PARP8: variants seen among roughly 807,000 people sequenced by gnomAD.
PARP8 encodes the protein poly(ADP-ribose) polymerase family member 8.
PARP8 carries 51 observed loss-of-function variants against 124.1 expected under a neutral mutation model. The ratio of observed to expected loss-of-function variants is 0.41; its 90% CI spans 0.33 to 0.52. The LOEUF (loss-of-function observed/expected upper bound fraction) is 0.52, where lower values mean the gene tolerates loss of function less well. PARP8 is among the 20% of genes least tolerant of loss of function. The probability of loss-of-function intolerance (pLI) is 0.21; values close to 1 mark genes in which losing one functional copy is unlikely to be tolerated. For synonymous variants in PARP8, 391 were observed against 361.5 expected (o/e 1.08, Z -0.93); for missense variants, 860 against 1,018.9 (o/e 0.84, Z 2.12).
intron 2 of PARP8, among the ~76,000 whole-genome samples, chr5:50,691,236 C>T (rs1363898960): frequency 6.6e-6 from 1 of 152,104 alleles, no homozygotes; most frequent in East Asian, 1.9e-4. Flanking sequence ...TTCTTTTTTC[C>T]TCCCCTCCAA....
At position 50,804,688 on chromosome 5, in the gene PARP8, C is replaced by T. The variant is rs116636591; in HGVS notation, c.1575+7455C>T. Among the ~76,000 whole-genome samples, 660 of 152,150 alleles carry T rather than the reference C, an allele frequency of 4.3e-3. 3 individuals carry two copies. The highest frequency in any genetic ancestry group is 0.015 in the African/African-American group (621 of 41,510). Reference sequence around the variant, plus strand: ...TCCTAGAAAATACAGCATTTGTACGCGTAATGTTAACATTGTTCTAGAACA... The same window carrying T: ...TCCTAGAAAATACAGCATTTGTACGTGTAATGTTAACATTGTTCTAGAACA... On this transcript the variant is annotated intron_variant, in intron 14 of 25. Coordinates refer to ENST00000281631, the MANE Select transcript of PARP8 (RefSeq NM_024615.4).
intron 14 of PARP8, among the ~76,000 whole-genome samples, chr5:50,808,840 T>G (rs183909047): frequency 6.6e-6 from 1 of 152,140 alleles, no homozygotes; most frequent in East Asian, 1.9e-4. Flanking sequence ...TTTTACCTTC[T>G]AAGAGTAAAA....
intron 12 of PARP8, among the ~76,000 whole-genome samples, chr5:50,796,517 A>T (rs1327465455): frequency 6.6e-6 from 1 of 152,210 alleles, no homozygotes; most frequent in Non-Finnish European, 1.5e-5. Context: ...GACATTCTGT[A>T]AAAGAAAATG....
At chr5:50,804,295 G>A (rs1003931643) in intron 14 of PARP8, among the ~76,000 whole-genome samples, 3 of 152,242 alleles carry the variant, frequency 2.0e-5, no homozygotes, top group South Asian at 2.1e-4. Flanking sequence ...TGTTTTCAGC[G>A]TGTCTTCCAG....
rs150419946 is a variant in PARP8 at position 50,751,662 on chromosome 5, C to G, written c.184+1474C>G. 2.7e-4 allele frequency among the ~76,000 whole-genome samples: 41 copies of G among 152,110 alleles called. No homozygotes were observed. The East Asian group carries it at 5.2e-3, about 19-fold the overall frequency. On this transcript the variant is annotated intron_variant, in intron 3 of 25. Coordinates refer to ENST00000281631, the MANE Select transcript of PARP8 (RefSeq NM_024615.4). ...GGTCTGTAGGAAAGGCAGAACAGGGCAGTTTATAATATAAATTCATACTTA... is the reference window on the plus strand; with the variant it reads ...GGTCTGTAGGAAAGGCAGAACAGGGGAGTTTATAATATAAATTCATACTTA...
At chr5:50,815,555 T>C (rs765012705) in intron 15 of PARP8, 31 bp downstream of exon 15, 5 of 1,518,324 alleles carry the variant, frequency 3.3e-6, no homozygotes, top group Admixed American at 2.2e-5. Context: ...TTATTTCTTA[T>C]TTTGCTTTGA....
intron 2 of PARP8, among the ~76,000 whole-genome samples, chr5:50,691,030 A>C (rs778746701): frequency 1.3e-5 from 2 of 152,144 alleles, no homozygotes; most frequent in Non-Finnish European, 1.5e-5. Context: ...CAACCCTAAC[A>C]TGTCCTCATC....
At chr5:50,813,845 A>C (rs1212918379) in intron 14 of PARP8, among the ~76,000 whole-genome samples, 2 of 152,150 alleles carry the variant, frequency 1.3e-5, no homozygotes, top group Non-Finnish European at 2.9e-5. Flanking sequence ...ACACGCACAC[A>C]CACACACAAA....
chr5:50,840,218 C>T (rs551763729), intron 25 of PARP8, among the ~76,000 whole-genome samples: 4 of 151,952 alleles, frequency 2.6e-5, no homozygotes, highest in Admixed American at 6.6e-5. Context: ...TGATTCGATT[C>T]GATTCAATTC....
chr5:50,753,177 C>T (rs1580209114), intron 3 of PARP8, among the ~76,000 whole-genome samples: 1 of 151,560 alleles, frequency 6.6e-6, no homozygotes, highest in Non-Finnish European at 1.5e-5. Context: ...GTGTATATTA[C>T]AAGTCACAGG....
At chr5:50,739,730 ATATTT>A (rs1293686710) in intron 2 of PARP8, among the ~76,000 whole-genome samples, 804 of 41,962 alleles carry the variant, frequency 0.019, 5 homozygotes, top group African/African-American at 0.046. Flanking sequence ...ATATATATAT[ATATTT>A]TTTTTTTTTT....
chr5:50,773,716 T>C (rs1761862449), intron 7 of PARP8, among the ~76,000 whole-genome samples: 2 of 152,214 alleles, frequency 1.3e-5, no homozygotes, highest in Admixed American at 6.5e-5. Context: ...TGACAGGGGT[T>C]GCATTGAATC....
chr5:50,838,328 A>G (rs1412783708), intron 25 of PARP8, among the ~76,000 whole-genome samples: 2 of 151,992 alleles, frequency 1.3e-5, no homozygotes, highest in African/African-American at 4.8e-5. Flanking sequence ...CTTTATTCCC[A>G]TGGATATATT....
intron 2 of PARP8, among the ~76,000 whole-genome samples, chr5:50,675,653 C>T (rs1750543130): frequency 1.3e-5 from 2 of 152,122 alleles, no homozygotes; most frequent in African/African-American, 4.8e-5. Flanking sequence ...TGTTATTATC[C>T]AAGAATTGTT....
Position 50,827,121 on chromosome 5 carries a change from C to T in PARP8, c.1977+318C>T, listed in dbSNP as rs540350783. On this transcript the variant is annotated intron_variant, in intron 19 of 25. Transcript: ENST00000281631. Reference sequence around the variant, plus strand: ...GAAGGAAGTTAATGTGCTTTATAATCGTTGTCAGTTTCATGTTGGCACATT... The same window carrying T: ...GAAGGAAGTTAATGTGCTTTATAATTGTTGTCAGTTTCATGTTGGCACATT... Among the ~76,000 whole-genome samples the T allele has an allele frequency of 7.2e-5, 11 of 152,166 alleles. No individual in the cohort carries two copies. The South Asian group carries it at 2.3e-3, about 32-fold the overall frequency.
intron 7 of PARP8, among the ~76,000 whole-genome samples, chr5:50,768,729 A>T (rs987812704): frequency 6.6e-6 from 1 of 152,206 alleles, no homozygotes; most frequent in Non-Finnish European, 1.5e-5. Context: ...TTTGCTATTC[A>T]TGAGATCCTG....
chr5:50,798,530 C>T (rs1015271290), intron 14 of PARP8, among the ~76,000 whole-genome samples: 4 of 151,528 alleles, frequency 2.6e-5, no homozygotes, highest in African/African-American at 9.7e-5. Flanking sequence ...ATGCCATTCT[C>T]CTGCCTCAGC....
intron 2 of PARP8, among the ~76,000 whole-genome samples, chr5:50,678,642 G>T (rs1750918430): frequency 6.6e-6 from 1 of 152,148 alleles, no homozygotes; most frequent in South Asian, 2.1e-4. Context: ...GGATTAAACT[G>T]ATATTTTGTG....
intron 25 of PARP8, among the ~76,000 whole-genome samples, chr5:50,839,210 A>C (rs1439351720): frequency 6.6e-6 from 1 of 151,930 alleles, no homozygotes; most frequent in African/African-American, 2.4e-5. Context: ...TTTTCGTTAA[A>C]ATTTTAGTAA....
Sources: allele counts gnomAD v4.1 joint callset (sites outside exome capture counted in the v4.1 genomes callset), GRCh38; gene constraint gnomAD v4.1.1; transcripts MANE v1.5; gene names NCBI Gene and HGNC (gene_info 2026-07-23, HGNC 2026-07-21).